Variants in SCFD2 observed in about 807,000 individuals in gnomAD.
SCFD2 encodes sec1 family domain containing 2.
Under a neutral mutation model 58.9 loss-of-function variants are expected in SCFD2, and 54 were observed. The observed-to-expected ratio is 0.92, with a 90% confidence interval of 0.74 to 1.15. The LOEUF (loss-of-function observed/expected upper bound fraction) is 1.15, where lower values mean the gene tolerates loss of function less well. Ranked by LOEUF, SCFD2 falls within the 50% of genes most tolerant of loss-of-function variation. SCFD2 has a pLI of 0.00. For synonymous variants in SCFD2, 321 were observed against 335.9 expected, an observed-to-expected ratio of 0.96 and a Z score of 0.49; for missense variants, 805 against 836.6, an observed-to-expected ratio of 0.96 and a Z score of 0.47.
At chr4:53,026,246 T>A (rs1722471706) in intron 5 of SCFD2, among the ~76,000 whole-genome samples, 1 of 152,182 alleles carries the variant, frequency 6.6e-6, no homozygotes, top group South Asian at 2.1e-4. Context: ...TAAAAGACAT[T>A]TCAAGAATAT....
chr4:53,127,943 G>GT (rs111600729), intron 5 of SCFD2, among the ~76,000 whole-genome samples: 4,107 of 87,360 alleles, frequency 0.047, 142 homozygotes, highest in African/African-American at 0.12. Flanking sequence ...CCAGTTTTTT[G>GT]TTTTTTTTTT....
At chr4:53,163,450 G>A (rs1179014352) in intron 4 of SCFD2, among the ~76,000 whole-genome samples, 1 of 152,122 alleles carries the variant, frequency 6.6e-6, no homozygotes, top group Non-Finnish European at 1.5e-5. Flanking sequence ...GAGGCCAGGC[G>A]CAGGGGCTCA....
chr4:53,320,231 T>C (rs1732986091), intron 2 of SCFD2, among the ~76,000 whole-genome samples: 1 of 152,218 alleles, frequency 6.6e-6, no homozygotes, highest in African/African-American at 2.4e-5. Flanking sequence ...AATCCATCTG[T>C]TTACCATAAT....
At chr4:53,002,936 G>A (rs968517550) in intron 5 of SCFD2, among the ~76,000 whole-genome samples, 5 of 152,180 alleles carry the variant, frequency 3.3e-5, no homozygotes, top group African/African-American at 1.2e-4. Context: ...GGTGGGAGTA[G>A]GAAGAAGAGA....
intron 4 of SCFD2, among the ~76,000 whole-genome samples, chr4:53,261,686 C>T (rs569226034): frequency 5.3e-5 from 8 of 152,136 alleles, no homozygotes; most frequent in Non-Finnish European, 1.2e-4. Context: ...ATGAATAGAA[C>T]GCATATTCTG....
intron 5 of SCFD2, among the ~76,000 whole-genome samples, chr4:52,931,024 C>T (rs1719980401): frequency 6.6e-6 from 1 of 152,172 alleles, no homozygotes; most frequent in Non-Finnish European, 1.5e-5. Flanking sequence ...TATACAGCCA[C>T]TTACGCCAGG....
At chr4:53,021,815 G>A (rs923085909) in intron 5 of SCFD2, among the ~76,000 whole-genome samples, 5 of 152,142 alleles carry the variant, frequency 3.3e-5, no homozygotes, top group African/African-American at 1.2e-4. Flanking sequence ...TGTTCACAGT[G>A]CCGACAGAAG....
intron 4 of SCFD2, among the ~76,000 whole-genome samples, chr4:53,206,464 A>C (rs1444899777): frequency 6.6e-6 from 1 of 152,118 alleles, no homozygotes; most frequent in African/African-American, 2.4e-5. Context: ...GTTAACCCAA[A>C]TTTAGAAAGA....
At chr4:53,157,461 T>G (rs79703464) in intron 4 of SCFD2, among the ~76,000 whole-genome samples, 11,994 of 152,272 alleles carry the variant, frequency 0.079, 678 homozygotes, top group East Asian at 0.23. Flanking sequence ...TTTCCCACTG[T>G]ATGTCTGCAT....
At chr4:53,305,245 C>T (rs746310645) in intron 3 of SCFD2, among the ~76,000 whole-genome samples, 50 of 151,746 alleles carry the variant, frequency 3.3e-4, no homozygotes, top group Non-Finnish European at 6.0e-4. Flanking sequence ...GAGCCTTTTC[C>T]CTATGTTCTC....
intron 4 of SCFD2, among the ~76,000 whole-genome samples, chr4:53,199,310 T>G (rs1728154014): frequency 6.6e-6 from 1 of 152,152 alleles, no homozygotes; most frequent in African/African-American, 2.4e-5. Context: ...TTGCTTATTT[T>G]CTTGCTTCTC....
intron 5 of SCFD2, among the ~76,000 whole-genome samples, chr4:52,959,857 A>G (rs1240150241): frequency 6.6e-6 from 1 of 151,790 alleles, no homozygotes; most frequent in Non-Finnish European, 1.5e-5. Context: ...ACAGTACATG[A>G]GGGAGGGAGG....
At chr4:52,986,436 G>A (rs1482487062) in intron 5 of SCFD2, among the ~76,000 whole-genome samples, 3 of 151,690 alleles carry the variant, frequency 2.0e-5, no homozygotes, top group Non-Finnish European at 4.4e-5. Context: ...GTGTTACAGG[G>A]GATGAAGAGA....
At chr4:53,157,322 C>T (rs1577786022) in intron 4 of SCFD2, among the ~76,000 whole-genome samples, 1 of 152,134 alleles carries the variant, frequency 6.6e-6, no homozygotes, top group African/African-American at 2.4e-5. Context: ...GTACAAAAAG[C>T]TCATTGATAG....
intron 3 of SCFD2, among the ~76,000 whole-genome samples, chr4:53,310,745 G>A (rs1732665342): frequency 6.6e-6 from 1 of 152,096 alleles, no homozygotes; most frequent in African/African-American, 2.4e-5. Flanking sequence ...TTAAGTAGAT[G>A]ATGTTTATTT....
At chr4:53,134,919 C>G (rs567565993) in intron 5 of SCFD2, among the ~76,000 whole-genome samples, 1 of 152,282 alleles carries the variant, frequency 6.6e-6, no homozygotes, top group South Asian at 2.1e-4. Flanking sequence ...TAACCCAAAA[C>G]TGCCTCTCAG....
chr4:53,063,711 C>T (rs187273552), intron 5 of SCFD2, among the ~76,000 whole-genome samples: 3 of 152,222 alleles, frequency 2.0e-5, no homozygotes, highest in African/African-American at 7.2e-5. Context: ...ATAAGCTTCA[C>T]TGTTATTTGA....
At chr4:53,010,864 T>C (rs556496924) in intron 5 of SCFD2, among the ~76,000 whole-genome samples, 1 of 152,276 alleles carries the variant, frequency 6.6e-6, no homozygotes, top group East Asian at 1.9e-4. Flanking sequence ...CAGCAGGTAG[T>C]GTAATCAGTT....
intron 5 of SCFD2, among the ~76,000 whole-genome samples, chr4:52,946,274 C>G (rs1452652524): frequency 6.6e-6 from 1 of 152,038 alleles, no homozygotes; most frequent in Non-Finnish European, 1.5e-5. Flanking sequence ...CCGTGAACAT[C>G]ATAGGTTTAT....
Sources: allele counts gnomAD v4.1 joint callset (sites outside exome capture counted in the v4.1 genomes callset), GRCh38; gene constraint gnomAD v4.1.1; transcripts MANE v1.5; gene names NCBI Gene and HGNC (gene_info 2026-07-23, HGNC 2026-07-21).